Variants in TRPC6 observed in about 807,000 individuals in gnomAD.
TRPC6 encodes transient receptor potential cation channel subfamily C member 6.
A neutral mutation model predicts 90.7 loss-of-function variants in TRPC6; 55 were observed. The ratio of observed to expected loss-of-function variants is 0.61; its 90% CI spans 0.49 to 0.76. The LOEUF (loss-of-function observed/expected upper bound fraction) is 0.76. Among genes scored for constraint, TRPC6 ranks in the 30% least tolerant of loss-of-function variants. The pLI, the probability that TRPC6 is intolerant of heterozygous loss-of-function variation, is 0.00. For missense variants in TRPC6, 989 were observed against 1,122.7 expected (o/e 0.88, Z 1.70); for synonymous variants, 393 against 393.0 (o/e 1.00, Z 0.00).
intron 4 of TRPC6, among the ~76,000 whole-genome samples, chr11:101,487,437 T>C (rs969176929): frequency 1.3e-5 from 2 of 152,164 alleles, no homozygotes; most frequent in African/African-American, 4.8e-5. Flanking sequence ...GTATACTGCA[T>C]AGTGGTGAAG....
chr11:101,553,001 A>T (rs2136845185), intron 1 of TRPC6, among the ~76,000 whole-genome samples: 1 of 152,250 alleles, frequency 6.6e-6, no homozygotes, highest in Middle Eastern at 3.4e-3. Flanking sequence ...TATTTGGCTA[A>T]TGTGAAAAGA....
chr11:101,467,882 C>A (rs866668512), intron 10 of TRPC6, among the ~76,000 whole-genome samples: 9 of 152,336 alleles, frequency 5.9e-5, no homozygotes, highest in South Asian at 2.1e-4. Flanking sequence ...AACCACTGAA[C>A]TATCCTTTCT....
chr11:101,518,845 G>A (rs1477403835), intron 1 of TRPC6, among the ~76,000 whole-genome samples: 1 of 152,118 alleles, frequency 6.6e-6, no homozygotes, highest in Non-Finnish European at 1.5e-5. Context: ...ACGCAATGGA[G>A]GACTAGTTAG....
intron 10 of TRPC6, chr11:101,455,400 G>C (rs370440432): frequency 1.7e-5 from 5 of 292,708 alleles, no homozygotes; most frequent in African/African-American, 1.1e-4. Flanking sequence ...ATGCATGGTA[G>C]AGAAAGAGTC....
chr11:101,583,768 T>C lies in TRPC6; in HGVS notation c.-265A>G, dbSNP rs1862259402. 3 of 382,360 alleles carry C rather than the reference T, an allele frequency of 7.8e-6. No homozygotes were observed. In the South Asian group the frequency reaches 3.4e-4, roughly 44 times the overall value. The allele number at this position is 382,360 out of a possible 1,614,324, so 23.7% of individuals were successfully genotyped here. On this transcript the variant is annotated 5_prime_UTR_variant, in exon 1 of 13. Coordinates refer to ENST00000344327, the MANE Select transcript of TRPC6 (RefSeq NM_004621.6). The stretch of plus-strand genomic sequence containing the variant: ...GCCGAGGAGACCCCGCGAGGATGCG[T>C]CTGGGGCGCCCGGGCAGAGAGGGCA...
intron 1 of TRPC6, among the ~76,000 whole-genome samples, chr11:101,570,393 C>T (rs4556510): frequency 0.38 from 57,431 of 151,988 alleles, 11,527 homozygotes; most frequent in Non-Finnish European, 0.46. Flanking sequence ...AGCCTACCAA[C>T]CAAATAGAGT....
intron 1 of TRPC6, among the ~76,000 whole-genome samples, chr11:101,521,130 G>C (rs959374402): frequency 2.6e-5 from 4 of 152,208 alleles, no homozygotes; most frequent in Admixed American, 2.6e-4. Context: ...TGGGGAAAAT[G>C]CTTCAAAGGC....
chr11:101,563,283 G>C (rs1861754686), intron 1 of TRPC6, among the ~76,000 whole-genome samples: 1 of 152,148 alleles, frequency 6.6e-6, no homozygotes, highest in South Asian at 2.1e-4. Context: ...CAAGGGAATA[G>C]AATAGGATAA....
At chr11:101,554,504 A>G (rs1861519463) in intron 1 of TRPC6, among the ~76,000 whole-genome samples, 2 of 152,188 alleles carry the variant, frequency 1.3e-5, no homozygotes, top group South Asian at 2.1e-4. Flanking sequence ...TATGTATAAA[A>G]CATATATATA....
chr11:101,486,505 G>T (rs1373432138), intron 4 of TRPC6, among the ~76,000 whole-genome samples: 2 of 152,116 alleles, frequency 1.3e-5, no homozygotes, highest in Non-Finnish European at 2.9e-5. Context: ...AATGAAAAAG[G>T]TTGAGACTAG....
Position 101,504,367 on chromosome 11 carries a change from A to C in TRPC6, c.602T>G (p.Leu201Arg). 5 of 1,614,130 alleles carry C rather than the reference A, an allele frequency of 3.1e-6. No individual in the cohort carries two copies. Among genetic ancestry groups the C allele is most frequent in the Non-Finnish European group, 4.2e-6 (5 of 1,179,994 alleles). ...RLATSPSQSE[L>R]QQDDFYAYDE... is the part of the protein sequence containing the mutation. ...ATAGGCATAAAAATCATCTTGCTGG[A>C]GTTCAGACTGGCTAGGGCTGGTTGC... Residue 201 changes from leucine (L) to arginine (R), a missense_variant, in exon 2 of 13, where the codon CTC becomes CGC. By Grantham distance (102) the Leu-to-Arg change is moderately radical. Coordinates refer to ENST00000344327, the MANE Select transcript of TRPC6 (RefSeq NM_004621.6).
In TRPC6 at chr11:101,504,783, G is replaced by A. The variant is rs1341607254; in HGVS notation, c.186C>T (p.Asn62=). The A allele has an allele frequency of 6.2e-7, 1 of 1,611,618 alleles. No individual in the cohort carries two copies. Among genetic ancestry groups the A allele is most frequent in the African/African-American group, 1.3e-5 (1 of 74,896 alleles). The change falls in exon 2 of 13, where the codon AAC becomes AAT. Residue 62 remains asparagine (N), a synonymous_variant. Coordinates refer to ENST00000344327, the MANE Select transcript of TRPC6 (RefSeq NM_004621.6). The stretch of plus-strand genomic sequence containing the variant: ...CTGTCTGCCGCCGGTGAGCCAGTCT[G>A]TTGTCAGATCCCCGGCTGCAATAAA... ...GYYPCFRGSD[N]RLAHRRQTVL...
chr11:101,503,606 T>A (rs1345754592), intron 2 of TRPC6, among the ~76,000 whole-genome samples: 2 of 152,204 alleles, frequency 1.3e-5, no homozygotes, highest in African/African-American at 4.8e-5. Flanking sequence ...TCTATCACTG[T>A]GCTCTGAACA....
chr11:101,498,840 T>C (rs1389650293), intron 2 of TRPC6, among the ~76,000 whole-genome samples: 3 of 152,144 alleles, frequency 2.0e-5, no homozygotes, highest in African/African-American at 4.8e-5. Context: ...CCCACCCATG[T>C]AGCAAGCAAG....
chr11:101,472,858 AAACTGT>A (rs1859324250), intron 7 of TRPC6, among the ~76,000 whole-genome samples: 2 of 152,194 alleles, frequency 1.3e-5, no homozygotes, highest in Non-Finnish European at 2.9e-5. Context: ...CTTCCCTGGC[AAACTGT>A]ATTTTAGAGA....
intron 1 of TRPC6, among the ~76,000 whole-genome samples, chr11:101,553,610 T>C (rs1861498674): frequency 6.6e-6 from 1 of 152,132 alleles, no homozygotes; most frequent in Non-Finnish European, 1.5e-5. Flanking sequence ...CCACCCAGGT[T>C]GTGTTTCTAA....
intron 1 of TRPC6, among the ~76,000 whole-genome samples, chr11:101,518,102 T>C (rs760938088): frequency 5.9e-5 from 9 of 152,218 alleles, no homozygotes; most frequent in Non-Finnish European, 7.3e-5. Context: ...TGAGATGTTA[T>C]TGTGGAACTT....
intron 1 of TRPC6, among the ~76,000 whole-genome samples, chr11:101,573,058 A>G (rs1014657858): frequency 6.6e-6 from 1 of 151,604 alleles, no homozygotes. Context: ...TAAAACTCCA[A>G]TAAGGTATTT....
intron 1 of TRPC6, among the ~76,000 whole-genome samples, chr11:101,563,975 T>C (rs73584476): frequency 0.029 from 4,365 of 152,176 alleles, 115 homozygotes; most frequent in African/African-American, 0.069. Context: ...AGAAACAGAA[T>C]GTTACTGCAC....
Sources: gnomAD v4.1 joint callset for allele counts (sites outside exome capture counted in the v4.1 genomes callset) on GRCh38, gnomAD v4.1.1 for gene constraint, MANE v1.5 for transcripts, NCBI Gene and HGNC (gene_info 2026-07-23, HGNC 2026-07-21) for gene names.